NUP153: variants seen among roughly 807,000 people sequenced by gnomAD.
NUP153 encodes nucleoporin 153, also known as nuclear pore complex protein Nup153.
A neutral mutation model predicts 134.6 loss-of-function variants in NUP153; 27 were observed. The observed-to-expected ratio is 0.20, with a 90% CI of 0.15 to 0.28. The LOEUF (loss-of-function observed/expected upper bound fraction) is 0.28. Ranked by LOEUF, NUP153 falls within the 10% of genes least tolerant of loss-of-function variation. The pLI, the probability that NUP153 is intolerant of heterozygous loss-of-function variation, is 1.00. For missense variants in NUP153, 1,821 were observed against 1,731.3 expected (o/e 1.05, Z -0.92); for synonymous variants, 640 against 623.5 (o/e 1.03, Z -0.40).
At chr6:17,659,622 G>A (rs541802655) in intron 11 of NUP153, among the ~76,000 whole-genome samples, 36 of 152,098 alleles carry the variant, frequency 2.4e-4, no homozygotes, top group Middle Eastern at 3.4e-3. Flanking sequence ...ACACACATAC[G>A]CTATCACACC....
chr6:17,632,274 C>A (rs1765292793), intron 17 of NUP153, among the ~76,000 whole-genome samples: 1 of 152,038 alleles, frequency 6.6e-6, no homozygotes, highest in Non-Finnish European at 1.5e-5. Context: ...GTACTCCAGC[C>A]TGGGCAAAAG....
chr6:17,649,140 G>T, intron 12 of NUP153, 23 bp downstream of exon 12: 1 of 1,586,996 alleles, frequency 6.3e-7, no homozygotes, highest in Non-Finnish European at 8.6e-7. Flanking sequence ...AATGTCACCT[G>T]TATTTATATA....
Position 17,680,807 on chromosome 6 carries a change from T to C in NUP153, c.335-5037A>G, listed in dbSNP as rs982832058. 1.3e-5 allele frequency among the ~76,000 whole-genome samples: 2 copies of C among 152,188 alleles called. No individual in the cohort carries two copies. The highest frequency in any genetic ancestry group is 4.8e-5 in the African/African-American group (2 of 41,454). On this transcript the variant is annotated intron_variant, in intron 2 of 21. Coordinates refer to ENST00000262077, the MANE Select transcript of NUP153 (RefSeq NM_005124.4). The surrounding 1 kb of genome is among the most constrained non-coding windows in gnomAD (Gnocchi z 4.5). ...TGAGGATGTAGAGAAAGGAGAATCCTTGTACACTGTTGTTGGTGGGAATTA... is the reference window on the plus strand; with the variant it reads ...TGAGGATGTAGAGAAAGGAGAATCCCTGTACACTGTTGTTGGTGGGAATTA...
chr6:17,658,505 C>T lies in NUP153; in HGVS notation c.1395+3148G>A, dbSNP rs551881103. The stretch of plus-strand genomic sequence containing the variant: ...GCCTTGAAGATGAGAAGCATAATGG[C>T]CAGCCACTGGAAGTTGACAATAACC... On this transcript the variant is annotated intron_variant, in intron 11 of 21. Coordinates refer to ENST00000262077, the MANE Select transcript of NUP153 (RefSeq NM_005124.4). Among the ~76,000 whole-genome samples the T allele has an allele frequency of 6.6e-5, 10 of 152,286 alleles. No homozygotes were observed. The East Asian group carries it at 1.7e-3, about 26-fold the overall frequency.
intron 11 of NUP153, among the ~76,000 whole-genome samples, chr6:17,661,390 T>C (rs539732816): frequency 6.6e-6 from 1 of 152,296 alleles, no homozygotes; most frequent in African/African-American, 2.4e-5. Flanking sequence ...GACAAAACTA[T>C]ACAGTAATAC....
chr6:17,640,514 G>A (rs1190608980), intron 14 of NUP153, among the ~76,000 whole-genome samples: 6 of 152,146 alleles, frequency 3.9e-5, no homozygotes, highest in Non-Finnish European at 7.3e-5. Context: ...ATATCCTTCA[G>A]TTATAATATT....
At chr6:17,639,168 C>T (rs1004064590) in intron 15 of NUP153, among the ~76,000 whole-genome samples, 1 of 151,980 alleles carries the variant, frequency 6.6e-6, no homozygotes, top group Non-Finnish European at 1.5e-5. Flanking sequence ...ACCTCCACCT[C>T]CCAGGTTCAA....
At chr6:17,645,926 T>C in intron 14 of NUP153, 141 bp downstream of exon 14, 1 of 434,632 alleles carries the variant, frequency 2.3e-6, no homozygotes, top group Non-Finnish European at 4.1e-6. Context: ...AAAGGTTAAA[T>C]AATAGTGCCT....
Position 17,615,748 on chromosome 6 carries a change from T to C in NUP153, c.*349A>G. On this transcript the variant is annotated 3_prime_UTR_variant, in exon 22 of 22. Transcript: ENST00000262077. The surrounding 1 kb of genome is among the most constrained non-coding windows in gnomAD (Gnocchi z 5.7). The stretch of plus-strand genomic sequence containing the variant: ...CAATTTCAACGCGTTCCATGAACGC[T>C]TATCAGCGCACATAATGGTGTAGAC... 1 of 187,308 alleles carries C rather than the reference T, an allele frequency of 5.3e-6. No homozygotes were observed. The highest frequency in any genetic ancestry group is 1.1e-5 in the Non-Finnish European group (1 of 91,030). The allele number at this position is 187,308 out of a possible 1,614,324, so 11.6% of individuals were successfully genotyped here.
At chr6:17,682,155 A>G (rs1190454429) in intron 2 of NUP153, among the ~76,000 whole-genome samples, 1 of 152,196 alleles carries the variant, frequency 6.6e-6, no homozygotes, top group Non-Finnish European at 1.5e-5. Context: ...TTGGTTTCCC[A>G]GTGCATACAA....
At position 17,706,004 on chromosome 6, in the gene NUP153, C is replaced by G. The variant is rs1181244623; in HGVS notation, c.111+273G>C. ...CGCGCGCATCATGGGCCTACAATTTCTTTTCCCGCCCAGAGCCTGCCTGGG... is the reference window on the plus strand; with the variant it reads ...CGCGCGCATCATGGGCCTACAATTTGTTTTCCCGCCCAGAGCCTGCCTGGG... On this transcript the variant is annotated intron_variant, in intron 1 of 21. Transcript: ENST00000262077. This position sits in a 1 kb window ranked among gnomAD's most constrained non-coding sequence, Gnocchi z 5.9. Among the ~76,000 whole-genome samples, 1 of 152,324 alleles carries G rather than the reference C, an allele frequency of 6.6e-6. No individual in the cohort carries two copies. Among genetic ancestry groups the G allele is most frequent in the East Asian group, 1.9e-4 (1 of 5,178 alleles).
At chr6:17,652,328 T>C (rs1766547003) in intron 11 of NUP153, among the ~76,000 whole-genome samples, 1 of 152,128 alleles carries the variant, frequency 6.6e-6, no homozygotes, top group South Asian at 2.1e-4. Context: ...GAAGTCATAA[T>C]CTCAATCTTT....
At chr6:17,647,498 G>A (rs1766260554) in intron 13 of NUP153, among the ~76,000 whole-genome samples, 1 of 152,176 alleles carries the variant, frequency 6.6e-6, no homozygotes, top group Admixed American at 6.5e-5. Context: ...AATTTCTTGG[G>A]TATGATAGCT....
chr6:17,691,685 AACGTGGGAGGCAG>A (rs1769282257), intron 1 of NUP153, among the ~76,000 whole-genome samples: 1 of 152,024 alleles, frequency 6.6e-6, no homozygotes, highest in African/African-American at 2.4e-5. Flanking sequence ...GAATCGCTTG[AACGTGGGAGGCAG>A]ACGGGCCATT....
In NUP153 at chr6:17,688,592, A is replaced by G; in HGVS notation, c.138T>C (p.Ser46=). Residue 46 remains serine, a synonymous_variant, in exon 2 of 22, where the codon TCT becomes TCC. Coordinates refer to ENST00000262077, the MANE Select transcript of NUP153 (RefSeq NM_005124.4). ...HQGILSRVTE[S]VKNIVPGWLQ... is the part of the protein sequence containing the mutation. ...GCCACCCTGGCACAATATTCTTAAC[A>G]GATTCTGTAACCCTGCTAAGAATGC... 6.2e-7 allele frequency: 1 copy of G among 1,613,626 alleles called. No homozygotes were observed. Among genetic ancestry groups the G allele is most frequent in the East Asian group, 2.2e-5 (1 of 44,880 alleles).
At chr6:17,686,026 T>C (rs1031016345) in intron 2 of NUP153, among the ~76,000 whole-genome samples, 3 of 151,942 alleles carry the variant, frequency 2.0e-5, no homozygotes, top group Admixed American at 2.0e-4. Flanking sequence ...CACACGCCTA[T>C]AGTCCCAACT....
Position 17,637,653 on chromosome 6 carries a change from C to G in NUP153, c.1964G>C (p.Ser655Thr). The change falls in exon 16 of 22, where the codon AGT becomes ACT. Residue 655 changes from serine (S) to threonine (T), a missense_variant. Physicochemically the swap from Ser to Thr is moderately conservative, Grantham distance 58. Coordinates refer to ENST00000262077, the MANE Select transcript of NUP153 (RefSeq NM_005124.4). ...CTGCCATGATGACCCAGCTTTTAAA[C>G]TCTCCCCAAACCCAATTCCACTAGA... is the stretch of plus-strand genomic sequence containing the variant. ...FSSSGIGFGE[S>T]LKAGSSWQCD... 1 of 1,613,892 alleles carries G rather than the reference C, an allele frequency of 6.2e-7. No homozygotes were observed. The highest frequency in any genetic ancestry group is 1.3e-5 in the African/African-American group (1 of 75,024).
Position 17,706,266 on chromosome 6 carries a change from G to A in NUP153, c.111+11C>T, listed in dbSNP as rs561794470. ...CACCCGCCAGGCCACCGCGGCGTCGGGGTCCCATACCTGATGCTGTTGTCG... is the reference window on the plus strand; with the variant it reads ...CACCCGCCAGGCCACCGCGGCGTCGAGGTCCCATACCTGATGCTGTTGTCG... On this transcript the variant is annotated intron_variant, in intron 1 of 21. Coordinates refer to ENST00000262077, the MANE Select transcript of NUP153 (RefSeq NM_005124.4). The surrounding 1 kb of genome is among the most constrained non-coding windows in gnomAD (Gnocchi z 5.9). 1.2e-6 allele frequency: 2 copies of A among 1,604,242 alleles called. No homozygotes were observed. Among genetic ancestry groups the A allele is most frequent in the African/African-American group, 1.3e-5 (1 of 74,732 alleles).
At chr6:17,669,641 A>C in intron 5 of NUP153, 95 bp from the exon 6 acceptor site, 1 of 850,678 alleles carries the variant, frequency 1.2e-6, no homozygotes, top group African/African-American at 1.7e-5. Context: ...TGGATGTCCA[A>C]AGTAAAACAG....
Sources: gnomAD v4.1 joint callset for allele counts (sites outside exome capture counted in the v4.1 genomes callset) on GRCh38, gnomAD v4.1.1 for gene constraint, Gnocchi (gnomAD v3.1) non-coding constraint, MANE v1.5 for transcripts, NCBI Gene and HGNC (gene_info 2026-07-23, HGNC 2026-07-21) for gene names.